The following KCNH1 variants were observed in gnomAD, a reference collection of about 807,000 sequenced individuals.
The protein encoded by KCNH1 is voltage-gated delayed rectifier potassium channel KCNH1.
Under a neutral mutation model 69.2 loss-of-function variants are expected in KCNH1, and 27 were observed. The observed-to-expected ratio is 0.39, with a 90% CI of 0.29 to 0.54. The LOEUF (loss-of-function observed/expected upper bound fraction) is 0.54, where lower values mean the gene tolerates loss of function less well. Among genes scored for constraint, KCNH1 ranks in the 20% least tolerant of loss-of-function variants. KCNH1 has a pLI of 0.68. For synonymous variants in KCNH1, 456 were observed against 487.7 expected (o/e 0.93, Z 0.86); for missense variants, 798 against 1,261.6 (o/e 0.63, Z 5.57).
chr1:210,696,968 A>T (rs1558427581), intron 10 of KCNH1, among the ~76,000 whole-genome samples: 1 of 152,228 alleles, frequency 6.6e-6, no homozygotes, highest in Non-Finnish European at 1.5e-5. Flanking sequence ...TAACCATTTT[A>T]CATACCTTAT....
intron 7 of KCNH1, among the ~76,000 whole-genome samples, chr1:210,881,507 T>C (rs528192928): frequency 6.6e-6 from 1 of 152,352 alleles, no homozygotes; most frequent in Admixed American, 6.5e-5. Flanking sequence ...CCAGCAATCC[T>C]ACTACTTGTT....
chr1:211,018,687 C>T (rs1689537595), intron 6 of KCNH1, 96 bp downstream of exon 6: 12 of 962,456 alleles, frequency 1.2e-5, no homozygotes, highest in Non-Finnish European at 1.7e-5. Flanking sequence ...ATCAGTCATG[C>T]TATTTCCCAC....
At chr1:210,748,532 C>T (rs956666974) in intron 10 of KCNH1, among the ~76,000 whole-genome samples, 1 of 152,096 alleles carries the variant, frequency 6.6e-6, no homozygotes, top group African/African-American at 2.4e-5. Flanking sequence ...ATAAAAAGAA[C>T]CAATATTCAA....
At chr1:210,893,530 C>G (rs1344639631) in intron 7 of KCNH1, among the ~76,000 whole-genome samples, 2 of 151,704 alleles carry the variant, frequency 1.3e-5, no homozygotes, top group Non-Finnish European at 2.9e-5. Flanking sequence ...GTTTGCTGGG[C>G]TCTTGGATTT....
rs183778378 is a variant in KCNH1, at chr1:211,041,369, T to A, written c.559-22113A>T. On this transcript the variant is annotated intron_variant, in intron 5 of 10. Coordinates refer to ENST00000271751, the MANE Select transcript of KCNH1 (RefSeq NM_172362.3). ...GTACCACAAAGATGTGCAGCTTAGC[T>A]CCCCCTTCAAGCAAACCTCCAGAAC... Among the ~76,000 whole-genome samples, 118 of 152,148 alleles carry A rather than the reference T, an allele frequency of 7.8e-4. 1 individual carries two copies. The highest frequency in any genetic ancestry group is 2.7e-3 in the African/African-American group (114 of 41,510).
At chr1:210,904,857 A>T (rs1177672362) in intron 7 of KCNH1, among the ~76,000 whole-genome samples, 1 of 152,216 alleles carries the variant, frequency 6.6e-6, no homozygotes, top group Non-Finnish European at 1.5e-5. Context: ...CCTCCATTTT[A>T]CAGATGAGGA....
chr1:210,899,282 T>C (rs970591434), intron 7 of KCNH1, among the ~76,000 whole-genome samples: 1 of 152,140 alleles, frequency 6.6e-6, no homozygotes, highest in Non-Finnish European at 1.5e-5. Flanking sequence ...GATGTAGATA[T>C]GAGATTCCAG....
chr1:211,110,778 T>C (rs898186279), intron 1 of KCNH1, among the ~76,000 whole-genome samples: 4 of 151,094 alleles, frequency 2.6e-5, no homozygotes, highest in African/African-American at 9.9e-5. Flanking sequence ...GTAATATAAT[T>C]ATATTAGGAG....
intron 1 of KCNH1, among the ~76,000 whole-genome samples, chr1:211,122,055 G>A (rs556446537): frequency 2.0e-5 from 3 of 152,090 alleles, no homozygotes; most frequent in Admixed American, 1.3e-4. Flanking sequence ...GGAGAATGGC[G>A]TGAACCTGGG....
At chr1:210,921,147 C>T (rs934078371) in intron 6 of KCNH1, among the ~76,000 whole-genome samples, 1 of 152,214 alleles carries the variant, frequency 6.6e-6, no homozygotes, top group Non-Finnish European at 1.5e-5. Flanking sequence ...CATACACTAA[C>T]ATACTCTTAT....
chr1:210,960,224 C>G (rs1397626552), intron 6 of KCNH1, among the ~76,000 whole-genome samples: 1 of 152,198 alleles, frequency 6.6e-6, no homozygotes, highest in South Asian at 2.1e-4. Context: ...TACCCATGTG[C>G]TCTTTCCCAG....
At chr1:210,810,037 C>T (rs1684669313) in intron 7 of KCNH1, among the ~76,000 whole-genome samples, 3 of 152,166 alleles carry the variant, frequency 2.0e-5, no homozygotes, top group Non-Finnish European at 4.4e-5. Context: ...CTTATTCCTG[C>T]ATCTCCTGTC....
intron 10 of KCNH1, among the ~76,000 whole-genome samples, chr1:210,758,666 G>C (rs1683449343): frequency 6.6e-6 from 1 of 152,174 alleles, no homozygotes; most frequent in Non-Finnish European, 1.5e-5. Flanking sequence ...CACCACCAAA[G>C]CCTGGAAATG....
intron 6 of KCNH1, among the ~76,000 whole-genome samples, chr1:210,937,026 C>T (rs1395559441): frequency 6.6e-6 from 1 of 152,140 alleles, no homozygotes; most frequent in African/African-American, 2.4e-5. Context: ...CTGTTAATTA[C>T]ATCACTTAGA....
rs142720997 is a variant in KCNH1 at position 210,960,034 on chromosome 1, T to C, written c.1033-39965A>G. Reference sequence around the variant, plus strand: ...GACTGGAGCTGTTCCTATTTGGCCATCTTGGAATGGACAAGAGGCTCTCTT... The same window carrying C: ...GACTGGAGCTGTTCCTATTTGGCCACCTTGGAATGGACAAGAGGCTCTCTT... On this transcript the variant is annotated intron_variant, in intron 6 of 10. Coordinates refer to ENST00000271751, the MANE Select transcript of KCNH1 (RefSeq NM_172362.3). Among the ~76,000 whole-genome samples, 766 of 152,334 alleles carry C rather than the reference T, an allele frequency of 5.0e-3. 9 individuals are homozygous for C. The highest frequency in any genetic ancestry group is 0.018 in the African/African-American group (730 of 41,580).
intron 5 of KCNH1, among the ~76,000 whole-genome samples, chr1:211,028,165 C>A (rs1039093343): frequency 6.6e-6 from 1 of 151,872 alleles, no homozygotes; most frequent in Non-Finnish European, 1.5e-5. Flanking sequence ...ACACTAGAAA[C>A]CAATAAAGAT....
chr1:210,928,604 G>A lies in KCNH1; in HGVS notation c.1033-8535C>T, dbSNP rs538620715. On this transcript the variant is annotated intron_variant, in intron 6 of 10. Coordinates refer to ENST00000271751, the MANE Select transcript of KCNH1 (RefSeq NM_172362.3). ...AAAGTTCATAGCCTTAAGTGTCTAC[G>A]TCAAAAAGTCTGAAAGAGCACAAAT... Among the ~76,000 whole-genome samples the A allele has an allele frequency of 8.5e-5, 13 of 152,114 alleles. No homozygotes were observed. The South Asian group carries it at 1.5e-3, about 17-fold the overall frequency.
chr1:210,697,675 G>T (rs577733384), intron 10 of KCNH1, among the ~76,000 whole-genome samples: 3 of 152,382 alleles, frequency 2.0e-5, no homozygotes, highest in Non-Finnish European at 4.4e-5. Flanking sequence ...CATGGCGGGT[G>T]GGGGAGGTTG....
At chr1:210,935,822 C>T (rs561792219) in intron 6 of KCNH1, among the ~76,000 whole-genome samples, 4 of 152,138 alleles carry the variant, frequency 2.6e-5, no homozygotes, top group African/African-American at 9.7e-5. Context: ...GGAGAGAATG[C>T]GTTGGTAAAT....
Sources: allele counts gnomAD v4.1 joint callset (sites outside exome capture counted in the v4.1 genomes callset), GRCh38; gene constraint gnomAD v4.1.1; transcripts MANE v1.5; gene names NCBI Gene and HGNC (gene_info 2026-07-23, HGNC 2026-07-21).